VWA5A: variants seen among roughly 807,000 people sequenced by gnomAD.
VWA5A encodes von Willebrand factor A domain-containing protein 5A.
Under a neutral mutation model 84.6 loss-of-function variants are expected in VWA5A, and 77 were observed. The observed-to-expected ratio is 0.91, with a 90% CI of 0.76 to 1.10. VWA5A has a LOEUF of 1.10. Among genes scored for constraint, VWA5A ranks in the 50% least tolerant of loss-of-function variants. The pLI is 0.00. For missense variants in VWA5A, 973 were observed against 963.0 expected (o/e 1.01, Z -0.14); for synonymous variants, 334 against 350.1 (o/e 0.95, Z 0.51).
intron 11 of VWA5A, among the ~76,000 whole-genome samples, chr11:124,126,841 CTA>C (rs761195595): frequency 9.5e-4 from 144 of 152,150 alleles, no homozygotes; most frequent in Non-Finnish European, 1.6e-3. Flanking sequence ...TTTGTTTCAG[CTA>C]TGTTTTTTGT....
At chr11:124,134,599 TCAG>T (rs201998625) in intron 11 of VWA5A, among the ~76,000 whole-genome samples, 2,526 of 152,262 alleles carry the variant, frequency 0.017, 32 homozygotes, top group Non-Finnish European at 0.029. Context: ...GTAAGACAGA[TCAG>T]TGCTCCAGTG....
intron 3 of VWA5A, 37 bp from the exon 4 acceptor site, chr11:124,117,636 T>A: frequency 5.0e-6 from 8 of 1,614,174 alleles, no homozygotes; most frequent in Non-Finnish European, 6.8e-6. Context: ...GGCAATCTAT[T>A]GAAGCTTGAT....
chr11:124,136,913 A>T lies in VWA5A; in HGVS notation c.1626-102A>T, dbSNP rs908652130. On this transcript the variant is annotated intron_variant, in intron 14 of 18. Transcript: ENST00000456829. ...CAAGTCTTCTCTCTCCCCTTATCTG[A>T]CTTTATCTTAACTCTTCTATTCCTA... 6 of 1,463,792 alleles carry T rather than the reference A, an allele frequency of 4.1e-6. No homozygotes were observed. In the African/African-American group the frequency reaches 8.6e-5, roughly 21 times the overall value. 90.7% of individuals were successfully genotyped at this position (1,463,792 alleles called of 1,614,324 possible).
In VWA5A at chr11:124,137,286, A is replaced by G. The variant is rs1414463030; in HGVS notation, c.1879+18A>G. 1 of 1,610,050 alleles carries G rather than the reference A, an allele frequency of 6.2e-7. No individual in the cohort carries two copies. Among genetic ancestry groups the G allele is most frequent in the Non-Finnish European group, 8.5e-7 (1 of 1,178,000 alleles). ...CCAATCAGGTAATGAGTTTTATTCCATTCAAACTCATATAGAATAAAAGAT... is the reference window on the plus strand; with the variant it reads ...CCAATCAGGTAATGAGTTTTATTCCGTTCAAACTCATATAGAATAAAAGAT... On this transcript the variant is annotated intron_variant, in intron 15 of 18. Coordinates refer to ENST00000456829, the MANE Select transcript of VWA5A (RefSeq NM_001130142.2).
chr11:124,139,104 G>A (rs976876011), intron 15 of VWA5A, among the ~76,000 whole-genome samples: 1 of 151,908 alleles, frequency 6.6e-6, no homozygotes, highest in Non-Finnish European at 1.5e-5. Flanking sequence ...TTTATTTCTG[G>A]GCTCTCCATT....
At chr11:124,142,593 G>A (rs1042588304) in intron 17 of VWA5A, 21 bp downstream of exon 17, 3 of 1,613,638 alleles carry the variant, frequency 1.9e-6, no homozygotes, top group Non-Finnish European at 8.5e-7. Context: ...ATGGAAAAAG[G>A]AGTATGTATG....
At chr11:124,116,360 G>A (rs1482450576) in intron 1 of VWA5A, 1 of 152,268 alleles carries the variant, frequency 6.6e-6, no homozygotes, top group African/African-American at 2.4e-5. Flanking sequence ...TTTCCTCAAC[G>A]GAGGATTTGT....
chr11:124,125,123 A>G (rs571648851), intron 11 of VWA5A, among the ~76,000 whole-genome samples: 1 of 152,340 alleles, frequency 6.6e-6, no homozygotes, highest in Non-Finnish European at 1.5e-5. Flanking sequence ...AGTAGACAGA[A>G]TTGTGGAGTT....
chr11:124,124,535 A>G (rs991685066), intron 11 of VWA5A: 2 of 1,290,102 alleles, frequency 1.6e-6, no homozygotes, highest in East Asian at 6.8e-5. Context: ...TTCTTTCTAA[A>G]CTACAACGAA....
At position 124,119,780 on chromosome 11, in the gene VWA5A, A is replaced by T. The variant is rs1000027527; in HGVS notation, c.760+691A>T. ...TAATTGGACAAATGACCTCCAAAGA[A>T]TGTTACGTAAAAGAAAAGTAAGTTA... On this transcript the variant is annotated intron_variant, in intron 7 of 18. Transcript: ENST00000456829. 2.0e-5 allele frequency among the ~76,000 whole-genome samples: 3 copies of T among 152,236 alleles called. No homozygotes were observed. The South Asian group carries it at 6.2e-4, about 31-fold the overall frequency.
intron 16 of VWA5A, among the ~76,000 whole-genome samples, chr11:124,142,088 A>T (rs954836915): frequency 6.6e-6 from 1 of 152,130 alleles, no homozygotes; most frequent in Non-Finnish European, 1.5e-5. Context: ...GGGTCAGCCT[A>T]GCTAGGTTCA....
intron 15 of VWA5A, among the ~76,000 whole-genome samples, chr11:124,138,335 G>A (rs1401358951): frequency 6.6e-6 from 1 of 152,008 alleles, no homozygotes; most frequent in Non-Finnish European, 1.5e-5. Context: ...GGATCATATA[G>A]TACCTCCATT....
At chr11:124,117,974 A>G in intron 4 of VWA5A, 99 bp downstream of exon 4, 1 of 1,433,768 alleles carries the variant, frequency 7.0e-7, no homozygotes, top group Non-Finnish European at 9.5e-7. Flanking sequence ...GTACCTTCAC[A>G]AAACATGCTG....
At position 124,146,107 on chromosome 11, in the gene VWA5A, T is replaced by G. The variant is rs1465913955; in HGVS notation, c.*162T>G. The G allele has an allele frequency of 7.4e-6, 5 of 673,738 alleles. No homozygotes were observed. The highest frequency in any genetic ancestry group is 1.2e-5 in the Non-Finnish European group (5 of 417,052). The allele number at this position is 673,738 out of a possible 1,614,324, so 41.7% of individuals were successfully genotyped here. A position where few individuals can be genotyped will look rare whatever the true frequency, so the allele number is the denominator to read the frequency against. ...TTCGCTTCTCTGCTCCAGGTTCACT[T>G]TGGATATGATCTTTCTTTTCCCAAC... On this transcript the variant is annotated 3_prime_UTR_variant, in exon 19 of 19. Transcript: ENST00000456829.
At chr11:124,119,509 G>A (rs878855889) in intron 7 of VWA5A, among the ~76,000 whole-genome samples, 4 of 152,156 alleles carry the variant, frequency 2.6e-5, no homozygotes, top group Admixed American at 1.3e-4. Context: ...CTAACCTTTC[G>A]AGGATAAATT....
chr11:124,141,294 A>G (rs112460404), intron 15 of VWA5A, among the ~76,000 whole-genome samples: 77 of 152,292 alleles, frequency 5.1e-4, no homozygotes, highest in Middle Eastern at 3.4e-3. Flanking sequence ...GAGGGAGAAT[A>G]GTTTTTTGGG....
intron 16 of VWA5A, 50 bp from the exon 17 acceptor site, chr11:124,142,392 T>A: frequency 1.9e-6 from 3 of 1,603,622 alleles, no homozygotes; most frequent in Non-Finnish European, 2.6e-6. Context: ...TGTGCTGAGG[T>A]GCCGATAGCT....
intron 7 of VWA5A, among the ~76,000 whole-genome samples, chr11:124,119,660 A>G (rs1864899400): frequency 6.6e-6 from 1 of 152,222 alleles, no homozygotes; most frequent in Non-Finnish European, 1.5e-5. Flanking sequence ...TTAGTAAGCA[A>G]TCAAAATGTC....
At chr11:124,134,842 T>C in intron 11 of VWA5A, 78 bp from the exon 12 acceptor site, 2 of 1,021,322 alleles carry the variant, frequency 2.0e-6, no homozygotes, top group Non-Finnish European at 2.9e-6. Context: ...TCCTTATGTA[T>C]TTTTGGCCAT....
Sources: allele counts gnomAD v4.1 joint callset (sites outside exome capture counted in the v4.1 genomes callset), GRCh38; gene constraint gnomAD v4.1.1; transcripts MANE v1.5; gene names NCBI Gene and HGNC (gene_info 2026-07-23, HGNC 2026-07-21).